LRFN2: variants seen among roughly 807,000 people sequenced by gnomAD.
LRFN2 encodes the protein leucine-rich repeat and fibronectin type-III domain-containing protein 2.
LRFN2 carries 18 observed loss-of-function variants against 37.3 expected under a neutral mutation model. The ratio of observed to expected loss-of-function variants is 0.48; its 90% CI spans 0.33 to 0.72. The LOEUF (loss-of-function observed/expected upper bound fraction) is 0.72, where lower values mean the gene tolerates loss of function less well. LRFN2 is among the 30% of genes least tolerant of loss of function. LRFN2 has a pLI of 0.02. For missense variants in LRFN2, 1,006 were observed against 1,060.7 expected (o/e 0.95, Z 0.72); for synonymous variants, 556 against 466.6 (o/e 1.19, Z -2.47).
chr6:40,578,715 C>T (rs184890019), intron 1 of LRFN2, among the ~76,000 whole-genome samples: 54 of 152,294 alleles, frequency 3.5e-4, no homozygotes, highest in African/African-American at 1.1e-3. Context: ...TCAATATGTG[C>T]CAGGCACTGT....
At chr6:40,566,029 A>T (rs1003607745) in intron 1 of LRFN2, among the ~76,000 whole-genome samples, 4 of 152,224 alleles carry the variant, frequency 2.6e-5, no homozygotes, top group African/African-American at 7.2e-5. Flanking sequence ...GAACTCAAAA[A>T]ATTTACAAGA....
chr6:40,536,385 C>A (rs1766449363), intron 1 of LRFN2, among the ~76,000 whole-genome samples: 1 of 152,196 alleles, frequency 6.6e-6, no homozygotes, highest in South Asian at 2.1e-4. Flanking sequence ...AAAGTCACTG[C>A]CTTCCTGGAA....
intron 2 of LRFN2, among the ~76,000 whole-genome samples, chr6:40,415,313 C>G (rs1192089604): frequency 6.6e-6 from 1 of 152,134 alleles, no homozygotes; most frequent in African/African-American, 2.4e-5. Context: ...GCAACCTCCA[C>G]CTCCTGGGTT....
chr6:40,549,607 A>T (rs1350901953), intron 1 of LRFN2, among the ~76,000 whole-genome samples: 1 of 152,230 alleles, frequency 6.6e-6, no homozygotes, highest in East Asian at 1.9e-4. Flanking sequence ...TGAGATTATG[A>T]TAATCTGGAG....
chr6:40,475,105 C>T (rs1452676299), intron 1 of LRFN2, among the ~76,000 whole-genome samples: 1 of 152,150 alleles, frequency 6.6e-6, no homozygotes, highest in Non-Finnish European at 1.5e-5. Flanking sequence ...CTCCAGGGGT[C>T]AGTATGGCCC....
chr6:40,533,599 C>T (rs1398084291), intron 1 of LRFN2, among the ~76,000 whole-genome samples: 1 of 152,194 alleles, frequency 6.6e-6, no homozygotes, highest in Admixed American at 6.5e-5. Context: ...CAGGTCAGCT[C>T]GCCTGTACCA....
In LRFN2 at chr6:40,417,059, G is replaced by A. The variant is rs1156351639; in HGVS notation, c.1400+14655C>T. 2.0e-5 allele frequency among the ~76,000 whole-genome samples: 3 copies of A among 152,196 alleles called. No individual in the cohort carries two copies. The East Asian group carries it at 5.8e-4, about 29-fold the overall frequency. On this transcript the variant is annotated intron_variant, in intron 2 of 2. Transcript: ENST00000338305. The stretch of plus-strand genomic sequence containing the variant: ...GGACAGAAGCTTCCTTCCAGCCCCC[G>A]GCCCCTGAGGGAAGAGACTGCTGAG...
At chr6:40,472,278 G>A (rs772507534) in intron 1 of LRFN2, among the ~76,000 whole-genome samples, 8 of 152,216 alleles carry the variant, frequency 5.3e-5, no homozygotes, top group Admixed American at 1.3e-4. Context: ...ACAATTGGTC[G>A]ATTCCATCAA....
intron 1 of LRFN2, among the ~76,000 whole-genome samples, chr6:40,575,457 A>G (rs116480548): frequency 0.012 from 1,876 of 152,256 alleles, 34 homozygotes; most frequent in African/African-American, 0.041. Context: ...CCACCCAGCC[A>G]GGGCTCCCAC....
At chr6:40,421,388 A>G (rs1272255855) in intron 2 of LRFN2, among the ~76,000 whole-genome samples, 1 of 152,220 alleles carries the variant, frequency 6.6e-6, no homozygotes, top group Admixed American at 6.5e-5. Context: ...CATTTGAGGG[A>G]GACCTAATAC....
chr6:40,396,891 TTG>T (rs1182687591), intron 2 of LRFN2, among the ~76,000 whole-genome samples: 1 of 152,182 alleles, frequency 6.6e-6, no homozygotes, highest in Non-Finnish European at 1.5e-5. Flanking sequence ...TAGCACTTAC[TTG>T]TCCTGGCAAG....
Position 40,469,600 on chromosome 6 carries a change from C to G in LRFN2, c.-18-36469G>C, listed in dbSNP as rs116879911. ...CCATTGCATTTCTCAGGCTCTCCTT[C>G]CCTCTGGCTCTTGGGTTTGGTCACT... On this transcript the variant is annotated intron_variant, in intron 1 of 2. Transcript: ENST00000338305. 3.9e-3 allele frequency among the ~76,000 whole-genome samples: 600 copies of G among 152,266 alleles called. 11 individuals carry two copies. The highest frequency in any genetic ancestry group is 0.036 in the East Asian group (188 of 5,176).
At chr6:40,437,048 A>G (rs1371271982) in intron 1 of LRFN2, among the ~76,000 whole-genome samples, 2 of 152,100 alleles carry the variant, frequency 1.3e-5, no homozygotes, top group Non-Finnish European at 2.9e-5. Flanking sequence ...CCCATGAGAA[A>G]GGCCATCTCT....
chr6:40,478,842 G>C (rs1764763999), intron 1 of LRFN2, among the ~76,000 whole-genome samples: 1 of 152,188 alleles, frequency 6.6e-6, no homozygotes, highest in Non-Finnish European at 1.5e-5. Context: ...ATTTAATTTG[G>C]AACCAGCTAG....
At chr6:40,492,881 A>G (rs970932444) in intron 1 of LRFN2, among the ~76,000 whole-genome samples, 7 of 152,042 alleles carry the variant, frequency 4.6e-5, no homozygotes, top group Non-Finnish European at 8.8e-5. Flanking sequence ...GAAATTCCCT[A>G]CCCTGGGGGA....
chr6:40,544,076 A>G (rs999946962), intron 1 of LRFN2, among the ~76,000 whole-genome samples: 2 of 152,230 alleles, frequency 1.3e-5, no homozygotes, highest in African/African-American at 4.8e-5. Context: ...CCAGGGCACA[A>G]TTAGCCAGTC....
chr6:40,409,120 A>G (rs1762907297), intron 2 of LRFN2, among the ~76,000 whole-genome samples: 1 of 152,244 alleles, frequency 6.6e-6, no homozygotes. Flanking sequence ...AGAGGACACA[A>G]GCATTCAAAC....
intron 1 of LRFN2, among the ~76,000 whole-genome samples, chr6:40,495,249 A>G (rs1012066556): frequency 6.6e-6 from 1 of 152,188 alleles, no homozygotes; most frequent in African/African-American, 2.4e-5. Flanking sequence ...TCAGAGACCT[A>G]TCTCTTCCTC....
intron 2 of LRFN2, among the ~76,000 whole-genome samples, chr6:40,410,643 A>G (rs1009788679): frequency 6.6e-6 from 1 of 152,218 alleles, no homozygotes; most frequent in Non-Finnish European, 1.5e-5. Flanking sequence ...GAATGCTTAC[A>G]TACTTTATTA....
Sources: allele counts gnomAD v4.1 joint callset (sites outside exome capture counted in the v4.1 genomes callset), GRCh38; gene constraint gnomAD v4.1.1; transcripts MANE v1.5; gene names NCBI Gene and HGNC (gene_info 2026-07-23, HGNC 2026-07-21).